Variants in TMCO4 observed in about 807,000 individuals in gnomAD.
TMCO4 encodes transmembrane and coiled-coil domain-containing protein 4.
Under a neutral mutation model 64.7 loss-of-function variants are expected in TMCO4, and 58 were observed. The observed-to-expected ratio is 0.90, with a 90% CI of 0.73 to 1.12. TMCO4 has a LOEUF of 1.12. Ranked by LOEUF, TMCO4 falls within the 50% of genes most tolerant of loss-of-function variation. The pLI, the probability that TMCO4 is intolerant of heterozygous loss-of-function variation, is 0.00. For missense variants in TMCO4, 780 were observed against 825.9 expected, an observed-to-expected ratio of 0.94 and a Z score of 0.68; for synonymous variants, 325 against 346.1, an observed-to-expected ratio of 0.94 and a Z score of 0.68.
chr1:19,718,665 A>AAAAAAAAAAAAAAAG (rs1450808804), intron 13 of TMCO4, among the ~76,000 whole-genome samples: 10 of 146,302 alleles, frequency 6.8e-5, no homozygotes, highest in African/African-American at 2.7e-4. Flanking sequence ...AAAAAAAAAA[A>AAAAAAAAAAAAAAAG]AGAGAGAGAG....
chr1:19,694,594 C>T (rs369852913), intron 14 of TMCO4, 43 bp from the exon 15 acceptor site: 42 of 1,590,142 alleles, frequency 2.6e-5, no homozygotes, highest in African/African-American at 1.6e-4. Context: ...GCACCAGCCT[C>T]GGACAGCCCA....
intron 13 of TMCO4, among the ~76,000 whole-genome samples, chr1:19,730,535 C>T (rs1434919143): frequency 6.6e-6 from 1 of 152,236 alleles, no homozygotes; most frequent in Admixed American, 6.5e-5. Flanking sequence ...GTGAGTCACA[C>T]ACAATCCCTG....
At chr1:19,717,278 G>C (rs1329945443) in intron 13 of TMCO4, among the ~76,000 whole-genome samples, 1 of 152,186 alleles carries the variant, frequency 6.6e-6, no homozygotes, top group Non-Finnish European at 1.5e-5. Flanking sequence ...AGGGAGGACT[G>C]GCTGAAGGAT....
intron 3 of TMCO4, among the ~76,000 whole-genome samples, chr1:19,784,091 A>G (rs1264202121): frequency 6.6e-6 from 1 of 152,192 alleles, no homozygotes; most frequent in Non-Finnish European, 1.5e-5. Context: ...CCTATTACTC[A>G]GAGGAGCCCA....
At chr1:19,787,688 T>C (rs2043814272) in intron 2 of TMCO4, among the ~76,000 whole-genome samples, 1 of 152,202 alleles carries the variant, frequency 6.6e-6, no homozygotes, top group Non-Finnish European at 1.5e-5. Flanking sequence ...AAACCGCAAC[T>C]TCAAACCAAA....
At chr1:19,697,476 C>G (rs1557465865) in intron 14 of TMCO4, among the ~76,000 whole-genome samples, 1 of 149,952 alleles carries the variant, frequency 6.7e-6, no homozygotes, top group Non-Finnish European at 1.5e-5. Flanking sequence ...CTCTGTTGCC[C>G]AGGCTGGAAT....
chr1:19,690,765 C>T (rs968964404), intron 15 of TMCO4, among the ~76,000 whole-genome samples: 4 of 152,176 alleles, frequency 2.6e-5, no homozygotes, highest in Non-Finnish European at 4.4e-5. Flanking sequence ...CTCCATGCTC[C>T]CAAGTCTCAG....
intron 6 of TMCO4, among the ~76,000 whole-genome samples, chr1:19,764,632 G>A (rs1409888768): frequency 6.6e-6 from 1 of 152,142 alleles, no homozygotes; most frequent in Non-Finnish European, 1.5e-5. Flanking sequence ...GGAGGCCGAG[G>A]CAGGCAGGTC....
chr1:19,750,262 G>T (rs760043917), intron 7 of TMCO4: 1 of 152,150 alleles, frequency 6.6e-6, no homozygotes, highest in African/African-American at 2.4e-5. Context: ...GTTCAAGGCC[G>T]AAGAAAACAT....
In TMCO4 at chr1:19,770,589, G is replaced by A; in HGVS notation, c.355-20C>T. The A allele has an allele frequency of 6.2e-7, 1 of 1,610,020 alleles. No homozygotes were observed. Among genetic ancestry groups the A allele is most frequent in the African/African-American group, 1.3e-5 (1 of 74,728 alleles). On this transcript the variant is annotated intron_variant, in intron 5 of 15. Coordinates refer to ENST00000294543, the MANE Select transcript of TMCO4 (RefSeq NM_181719.7). ...AAGGTCCTGAGGGAGAAGACAACAG[G>A]CATCAATGACAAAGCTGATATACGA...
At chr1:19,683,666 G>A (rs1557439650) in intron 15 of TMCO4, among the ~76,000 whole-genome samples, 1 of 148,742 alleles carries the variant, frequency 6.7e-6, no homozygotes. Context: ...GATGAAGGAT[G>A]TTTCTCTAAA....
intron 14 of TMCO4, among the ~76,000 whole-genome samples, chr1:19,698,073 C>CG (rs1357474374): frequency 6.6e-6 from 1 of 152,174 alleles, no homozygotes; most frequent in Non-Finnish European, 1.5e-5. Context: ...TGAGCTGAAC[C>CG]GGGAACTCGC....
chr1:19,753,587 C>G (rs576368895), intron 7 of TMCO4, among the ~76,000 whole-genome samples: 28 of 152,188 alleles, frequency 1.8e-4, no homozygotes, highest in Non-Finnish European at 3.5e-4. Flanking sequence ...CCCAGAAACA[C>G]AAAACCTTAC....
chr1:19,737,590 C>T (rs1378456444), intron 12 of TMCO4, 134 bp from the exon 13 acceptor site: 15 of 695,682 alleles, frequency 2.2e-5, no homozygotes, highest in East Asian at 8.4e-5. Flanking sequence ...TGTGCTGTTC[C>T]GGTCCCTGAG....
At position 19,683,439 on chromosome 1, in the gene TMCO4, G is replaced by A. The variant is rs1485347828; in HGVS notation, c.1506C>T (p.Ser502=). The A allele has an allele frequency of 5.0e-6, 8 of 1,612,454 alleles. No homozygotes were observed. In the East Asian group the frequency reaches 8.9e-5, roughly 18 times the overall value. Residue 502 remains serine, a synonymous_variant, in exon 16 of 16, where the codon AGC becomes AGT. Transcript: ENST00000294543. ...TCTGCTTGGCATAGTCCAGGTGGCC[G>A]CTGACCTGCAGGAGACAGTGAGTGA... ...VENVDLTSVV[S]GHLDYAKQMD...
At chr1:19,753,871 A>G (rs2042128774) in intron 7 of TMCO4, among the ~76,000 whole-genome samples, 1 of 152,208 alleles carries the variant, frequency 6.6e-6, no homozygotes, top group African/African-American at 2.4e-5. Flanking sequence ...GTCTACATAT[A>G]GACTACAATA....
intron 6 of TMCO4, among the ~76,000 whole-genome samples, chr1:19,765,304 T>C (rs144520008): frequency 1.3e-5 from 2 of 152,312 alleles, no homozygotes; most frequent in Non-Finnish European, 2.9e-5. Flanking sequence ...CTGATGATCA[T>C]CTACTCTGCA....
At chr1:19,785,698 C>T (rs533283332) in intron 3 of TMCO4, among the ~76,000 whole-genome samples, 22 of 152,280 alleles carry the variant, frequency 1.4e-4, no homozygotes, top group African/African-American at 4.6e-4. Flanking sequence ...GCAGTAGAAC[C>T]GAGACACACA....
intron 13 of TMCO4, among the ~76,000 whole-genome samples, chr1:19,719,657 C>G (rs1011075855): frequency 6.6e-6 from 1 of 152,002 alleles, no homozygotes; most frequent in Non-Finnish European, 1.5e-5. Context: ...GTCTCCCAAG[C>G]AGCTGGGGCT....
Sources: allele counts gnomAD v4.1 joint callset (sites outside exome capture counted in the v4.1 genomes callset), GRCh38; gene constraint gnomAD v4.1.1; transcripts MANE v1.5; gene names NCBI Gene and HGNC (gene_info 2026-07-23, HGNC 2026-07-21).